SETD2: variants seen among roughly 807,000 people sequenced by gnomAD.
SETD2 encodes the protein SET domain containing 2, histone lysine methyltransferase, also known as histone-lysine N-methyltransferase SETD2.
Under a neutral mutation model 242.1 loss-of-function variants are expected in SETD2, and 31 were observed. The observed-to-expected ratio is 0.13, with a 90% confidence interval of 0.10 to 0.17. The LOEUF is 0.17. SETD2 is among the 10% of genes least tolerant of loss of function. SETD2 has a pLI of 1.00. For missense variants in SETD2, 2,481 were observed against 3,046.3 expected, an observed-to-expected ratio of 0.81 and a Z score of 4.37; for synonymous variants, 1,006 against 1,066.5, an observed-to-expected ratio of 0.94 and a Z score of 1.11.
At chr3:47,153,374 A>G (rs2044044167) in intron 1 of SETD2, among the ~76,000 whole-genome samples, 1 of 152,206 alleles carries the variant, frequency 6.6e-6, no homozygotes, top group Non-Finnish European at 1.5e-5. Flanking sequence ...AAGTCCAACT[A>G]TGGAAAAATG....
At chr3:47,101,633 T>C (rs34173174) in intron 7 of SETD2, 78 bp from the exon 8 acceptor site, 11,563 of 670,060 alleles carry the variant, frequency 0.017, 193 homozygotes, top group South Asian at 0.059. Context: ...TGTGTGTGTG[T>C]GCGCATATAT....
chr3:47,059,100 C>T (rs1318276053), intron 14 of SETD2, among the ~76,000 whole-genome samples: 6 of 142,714 alleles, frequency 4.2e-5, no homozygotes, highest in Admixed American at 2.2e-4. Context: ...TGAGCCACCA[C>T]GCCTGGCCTT....
At chr3:47,018,984 T>C (rs1251367113) in intron 19 of SETD2, among the ~76,000 whole-genome samples, 1 of 152,262 alleles carries the variant, frequency 6.6e-6, no homozygotes, top group Non-Finnish European at 1.5e-5. Flanking sequence ...AGCCCTAATA[T>C]GGCATACTTT....
chr3:47,064,593 G>T, intron 13 of SETD2: 1 of 371,476 alleles, frequency 2.7e-6, no homozygotes, highest in South Asian at 2.1e-5. Context: ...TAGAATATGT[G>T]AGGCAGACAA....
rs2106715628 is a variant in SETD2 at position 47,123,927 on chromosome 3, A to C, written c.709T>G (p.Ser237Ala). 1 of 1,552,006 alleles carries C rather than the reference A, an allele frequency of 6.4e-7. No individual in the cohort carries two copies. Among genetic ancestry groups the C allele is most frequent in the Non-Finnish European group, 8.7e-7 (1 of 1,146,842 alleles). Residue 237 changes from serine (S) to alanine (A), a missense_variant, in exon 3 of 21, where the codon TCT (serine) becomes GCT (alanine). Physicochemically the swap from Ser to Ala is moderately conservative, Grantham distance 99. Transcript: ENST00000409792. Reference sequence around the variant, plus strand: ...ATTATAATTGGTGGTTCTTTCAGAGATCTAACTGCTACATCTACTGGTAAG... The same window carrying C: ...ATTATAATTGGTGGTTCTTTCAGAGCTCTAACTGCTACATCTACTGGTAAG... Reference protein sequence around the residue: ...VPLPVDVAVRSLKEPPIIIVP... With the variant: ...VPLPVDVAVRALKEPPIIIVP...
intron 1 of SETD2, among the ~76,000 whole-genome samples, chr3:47,136,550 A>G (rs1184244108): frequency 6.6e-6 from 1 of 152,190 alleles, no homozygotes; most frequent in African/African-American, 2.4e-5. Context: ...AAGACCAAAT[A>G]CTAAATGTTC....
intron 9 of SETD2, among the ~76,000 whole-genome samples, chr3:47,089,562 ATTCT>A (rs1319589955): frequency 2.0e-5 from 3 of 152,316 alleles, no homozygotes; most frequent in Non-Finnish European, 2.9e-5. Flanking sequence ...TAACATATAT[ATTCT>A]TTAAGTATTT....
intron 12 of SETD2, among the ~76,000 whole-genome samples, chr3:47,074,530 G>A (rs1395046108): frequency 1.3e-5 from 2 of 152,192 alleles, no homozygotes; most frequent in Admixed American, 1.3e-4. Context: ...TTGTTCTTCA[G>A]TAAGTGCCAT....
chr3:47,055,465 G>A (rs1456735614), intron 15 of SETD2, among the ~76,000 whole-genome samples: 1 of 148,560 alleles, frequency 6.7e-6, no homozygotes, highest in Non-Finnish European at 1.5e-5. Flanking sequence ...CAACACTTTG[G>A]GAGGGCCAAG....
intron 19 of SETD2, among the ~76,000 whole-genome samples, chr3:47,018,225 T>G (rs2038064617): frequency 6.6e-6 from 1 of 152,174 alleles, no homozygotes; most frequent in Non-Finnish European, 1.5e-5. Context: ...GTGAAGCAGA[T>G]GGAAGCATGA....
Position 47,057,370 on chromosome 3 carries a change from C to T in SETD2, c.6414G>A (p.Gln2138=), listed in dbSNP as rs776824718. 65 of 1,614,100 alleles carry T rather than the reference C, an allele frequency of 4.0e-5. No individual in the cohort carries two copies. The highest frequency in any genetic ancestry group is 5.0e-5 in the Non-Finnish European group (59 of 1,180,040). ...EVAQREAQKQ[Q]QQMQNLGMTS... The stretch of plus-strand genomic sequence containing the variant: ...TCATTCCCAGGTTCTGCATCTGTTG[C>T]TGTTGTTTCTGAGCCTCCCGTTGAG... The change falls in exon 15 of 21, where the codon CAG becomes CAA. Residue 2138 remains glutamine (Q), a synonymous_variant. Transcript: ENST00000409792.
At chr3:47,143,034 G>A (rs747774836) in intron 1 of SETD2, among the ~76,000 whole-genome samples, 2 of 152,122 alleles carry the variant, frequency 1.3e-5, no homozygotes, top group African/African-American at 2.4e-5. Flanking sequence ...GGTCACACCT[G>A]TAATCCCAGC....
At chr3:47,111,650 G>A (rs911783587) in intron 5 of SETD2, among the ~76,000 whole-genome samples, 2 of 151,942 alleles carry the variant, frequency 1.3e-5, no homozygotes, top group African/African-American at 2.4e-5. Flanking sequence ...AAATCTATGA[G>A]GTTCCTACTA....
At chr3:47,108,892 C>A (rs890473264) in intron 5 of SETD2, among the ~76,000 whole-genome samples, 12 of 152,246 alleles carry the variant, frequency 7.9e-5, no homozygotes, top group African/African-American at 2.6e-4. Context: ...CAATTAAAAA[C>A]CAAAATAAAA....
In SETD2 at chr3:47,109,604, C is replaced by T. The variant is rs78843047; in HGVS notation, c.4716-3484G>A. On this transcript the variant is annotated intron_variant, in intron 5 of 20. Coordinates refer to ENST00000409792, the MANE Select transcript of SETD2 (RefSeq NM_014159.7). ...TTGAGGCAGCAGTAAGCTGTGATCGCGCCACTGCATTCAAGCCTGGGCAAC... is the reference window on the plus strand; with the variant it reads ...TTGAGGCAGCAGTAAGCTGTGATCGTGCCACTGCATTCAAGCCTGGGCAAC... 1.9e-3 allele frequency among the ~76,000 whole-genome samples: 286 copies of T among 151,942 alleles called. 2 individuals are homozygous for T. The highest frequency in any genetic ancestry group is 6.6e-3 in the African/African-American group (274 of 41,420).
chr3:47,093,503 C>T (rs9827293), intron 9 of SETD2, among the ~76,000 whole-genome samples: 6,417 of 151,972 alleles, frequency 0.042, 462 homozygotes, highest in African/African-American at 0.15. Context: ...AGGCTGGTCT[C>T]GAACTCCTGA....
chr3:47,068,902 G>A (rs559770012), intron 12 of SETD2, among the ~76,000 whole-genome samples: 6 of 152,136 alleles, frequency 3.9e-5, no homozygotes, highest in African/African-American at 9.6e-5. Flanking sequence ...AGGTTCAAGC[G>A]ATTCTCCTTA....
chr3:47,082,609 T>G (rs1031119648), intron 12 of SETD2, among the ~76,000 whole-genome samples: 1 of 152,236 alleles, frequency 6.6e-6, no homozygotes, highest in Non-Finnish European at 1.5e-5. Context: ...AAAGGCCTGA[T>G]TTCCTAAGAC....
chr3:47,056,718 T>C lies in SETD2; in HGVS notation c.6963+103A>G, dbSNP rs370155319. The C allele has an allele frequency of 6.7e-4, 568 of 852,596 alleles. 8 individuals carry two copies. The South Asian group carries it at 8.8e-3, about 13-fold the overall frequency. 52.8% of individuals were successfully genotyped at this position (852,596 alleles called of 1,614,324 possible). A position where few individuals can be genotyped will look rare whatever the true frequency, so the allele number is the denominator to read the frequency against. ...CCAATACATATAAAGTTGATCAATA[T>C]ATACAAGTAGTCCATGGTAAGACTT... On this transcript the variant is annotated intron_variant, in intron 15 of 20. Coordinates refer to ENST00000409792, the MANE Select transcript of SETD2 (RefSeq NM_014159.7).
Sources: gnomAD v4.1 joint callset for allele counts (sites outside exome capture counted in the v4.1 genomes callset) on GRCh38, gnomAD v4.1.1 for gene constraint, MANE v1.5 for transcripts, NCBI Gene and HGNC (gene_info 2026-07-23, HGNC 2026-07-21) for gene names.